The following CCDC7 variants were observed in gnomAD, a reference collection of about 807,000 sequenced individuals.
The protein encoded by CCDC7 is coiled-coil domain containing 7.
A neutral mutation model predicts 196.9 loss-of-function variants in CCDC7; 183 were observed. The observed-to-expected ratio is 0.93, with a 90% CI of 0.82 to 1.05. The LOEUF is 1.05. Among genes scored for constraint, CCDC7 ranks in the 50% least tolerant of loss-of-function variants. The pLI is 0.00. For synonymous variants in CCDC7, 525 were observed against 484.6 expected (o/e 1.08, Z -1.10); for missense variants, 1,540 against 1,482.2 (o/e 1.04, Z -0.64).
chr10:32,836,693 G>A (rs1213412189), intron 33 of CCDC7, among the ~76,000 whole-genome samples: 1 of 152,134 alleles, frequency 6.6e-6, no homozygotes, highest in African/African-American at 2.4e-5. Flanking sequence ...TTTGAGAAGT[G>A]TCTGTTCATA....
chr10:32,598,000 C>A (rs2060589909), intron 18 of CCDC7, among the ~76,000 whole-genome samples: 1 of 152,204 alleles, frequency 6.6e-6, no homozygotes, highest in Admixed American at 6.5e-5. Flanking sequence ...TCTCAAACTC[C>A]ATGCTGGGAG....
In CCDC7 at chr10:32,828,489, G is replaced by GAAGAAGAAGAAGAAGA. The variant is rs1565634300; in HGVS notation, c.3268+3887_3268+3902dup. On this transcript the variant is annotated intron_variant, in intron 32 of 41. Coordinates refer to ENST00000639629, the Ensembl canonical transcript of CCDC7. ...AGAGGAAGAGGAAGAGGAAGAGGAA[G>GAAGAAGAAGAAGAAGA]AAGAAGAAGAAGAAGAAGAAGAAGA... Among the ~76,000 whole-genome samples the GAAGAAGAAGAAGAAGA allele has an allele frequency of 1.1e-3, 65 of 60,914 alleles. 1 individual carries two copies. The highest frequency in any genetic ancestry group is 3.8e-3 in the African/African-American group (59 of 15,718). The allele number at this position is 60,914 out of a possible 152,430, so 40.0% of individuals were successfully genotyped here. A position where few individuals can be genotyped will look rare whatever the true frequency, so the allele number is the denominator to read the frequency against.
chr10:32,609,238 G>A (rs1216617425), intron 18 of CCDC7, among the ~76,000 whole-genome samples: 1 of 151,962 alleles, frequency 6.6e-6, no homozygotes, highest in Non-Finnish European at 1.5e-5. Context: ...CATTAGAGTC[G>A]ATCTTTACCT....
upstream of CCDC7, among the ~76,000 whole-genome samples, chr10:32,447,449 G>C (rs1232625078): frequency 2.0e-5 from 3 of 152,156 alleles, no homozygotes; most frequent in East Asian, 5.8e-4. Context: ...ATGTTTGCTT[G>C]GACCTGAAGG....
At chr10:32,781,296 T>A (rs1413374222) in intron 29 of CCDC7, among the ~76,000 whole-genome samples, 1 of 152,178 alleles carries the variant, frequency 6.6e-6, no homozygotes, top group African/African-American at 2.4e-5. Context: ...GAATACTTCC[T>A]AACTCATTCT....
intron 8 of CCDC7, among the ~76,000 whole-genome samples, chr10:32,491,167 A>G (rs1250608102): frequency 6.6e-6 from 1 of 152,218 alleles, no homozygotes; most frequent in East Asian, 1.9e-4. Context: ...AATATTTATT[A>G]TTCTTCTATA....
intron 29 of CCDC7, among the ~76,000 whole-genome samples, chr10:32,795,930 T>C (rs2083478177): frequency 6.6e-6 from 1 of 152,192 alleles, no homozygotes; most frequent in Non-Finnish European, 1.5e-5. Flanking sequence ...TTATATGTTA[T>C]TAAATTTTCT....
At chr10:32,650,076 C>T (rs997146182) in intron 20 of CCDC7, among the ~76,000 whole-genome samples, 5 of 152,084 alleles carry the variant, frequency 3.3e-5, no homozygotes, top group South Asian at 2.1e-4. Context: ...GGAGGCAAGG[C>T]GACATTCTGG....
chr10:32,491,836 C>T, intron 8 of CCDC7, 86 bp from the exon 10 acceptor site: 1 of 1,276,942 alleles, frequency 7.8e-7, no homozygotes, highest in Non-Finnish European at 1.0e-6. Flanking sequence ...GTTTAGCTTT[C>T]ACATCTATAG....
At chr10:32,828,320 A>G (rs1476431207) in intron 32 of CCDC7, among the ~76,000 whole-genome samples, 2 of 151,668 alleles carry the variant, frequency 1.3e-5, no homozygotes, top group Non-Finnish European at 2.9e-5. Context: ...TTTCTCAAGA[A>G]CTCTTGAGAC....
chr10:32,819,717 A>G (rs552120841), intron 31 of CCDC7, among the ~76,000 whole-genome samples: 7 of 152,336 alleles, frequency 4.6e-5, no homozygotes, highest in African/African-American at 1.7e-4. Context: ...GACAAAAACC[A>G]CATGATTATC....
At chr10:32,560,976 C>G (rs1032186988) in intron 13 of CCDC7, among the ~76,000 whole-genome samples, 5 of 151,980 alleles carry the variant, frequency 3.3e-5, no homozygotes, top group African/African-American at 1.2e-4. Flanking sequence ...GGAGGAAGAT[C>G]TACCAAGCAA....
At chr10:32,619,452 T>A (rs1429415476) in intron 18 of CCDC7, among the ~76,000 whole-genome samples, 2 of 152,074 alleles carry the variant, frequency 1.3e-5, no homozygotes. Context: ...GGGAGCACAC[T>A]GGGATCAATA....
intron 18 of CCDC7, among the ~76,000 whole-genome samples, chr10:32,614,376 ATGGGTAT>A (rs1276244102): frequency 2.0e-5 from 3 of 151,942 alleles, no homozygotes; most frequent in African/African-American, 7.3e-5. Flanking sequence ...CAGCACAGCA[ATGGGTAT>A]TGACTCCTTA....
chr10:32,646,066 C>G (rs1360947549), intron 20 of CCDC7, among the ~76,000 whole-genome samples: 1 of 144,948 alleles, frequency 6.9e-6, no homozygotes, highest in Admixed American at 7.0e-5. Context: ...GTTCCTTCTA[C>G]TTATTTTCGG....
At chr10:32,667,703 G>C (rs960075819) in intron 21 of CCDC7, among the ~76,000 whole-genome samples, 3 of 152,128 alleles carry the variant, frequency 2.0e-5, no homozygotes, top group African/African-American at 7.2e-5. Flanking sequence ...ATTTCTGAGG[G>C]CTCTGTTCTG....
chr10:32,598,766 G>A (rs1341760736), intron 18 of CCDC7, among the ~76,000 whole-genome samples: 1 of 152,124 alleles, frequency 6.6e-6, no homozygotes, highest in Non-Finnish European at 1.5e-5. Context: ...AATTATATTA[G>A]AAAAGATACT....
At chr10:32,840,116 C>A (rs2092879822) in intron 33 of CCDC7, among the ~76,000 whole-genome samples, 1 of 151,810 alleles carries the variant, frequency 6.6e-6, no homozygotes, top group Non-Finnish European at 1.5e-5. Context: ...AAGAACAATC[C>A]AAACCCAAAC....
At chr10:32,490,467 C>T (rs183133050) in intron 8 of CCDC7, among the ~76,000 whole-genome samples, 42 of 152,252 alleles carry the variant, frequency 2.8e-4, no homozygotes, top group East Asian at 2.5e-3. Flanking sequence ...AATTTAAAAT[C>T]GTCTCATATG....
Sources: allele counts gnomAD v4.1 joint callset (sites outside exome capture counted in the v4.1 genomes callset), GRCh38; gene constraint gnomAD v4.1.1; transcripts MANE v1.5; gene names NCBI Gene and HGNC (gene_info 2026-07-23, HGNC 2026-07-21).